SCUBE1: variants seen among roughly 807,000 people sequenced by gnomAD.
The protein encoded by SCUBE1 is signal peptide, CUB and EGF-like domain-containing protein 1.
A neutral mutation model predicts 124.4 loss-of-function variants in SCUBE1; 59 were observed. The observed-to-expected ratio is 0.47, with a 90% confidence interval of 0.38 to 0.59. The LOEUF (loss-of-function observed/expected upper bound fraction) is 0.59. SCUBE1 is among the 20% of genes least tolerant of loss of function. The pLI, the probability that SCUBE1 is intolerant of heterozygous loss-of-function variation, is 0.00. For synonymous variants in SCUBE1, 545 were observed against 550.9 expected (o/e 0.99, Z 0.15); for missense variants, 1,150 against 1,371.2 (o/e 0.84, Z 2.55).
At position 43,211,058 on chromosome 22, in the gene SCUBE1, G is replaced by A; in HGVS notation, c.2247C>T (p.Tyr749=). 1 of 1,613,340 alleles carries A rather than the reference G, an allele frequency of 6.2e-7. No individual in the cohort carries two copies. Among genetic ancestry groups the A allele is most frequent in the Non-Finnish European group, 8.5e-7 (1 of 1,179,696 alleles). Reference sequence around the variant, plus strand: ...GGATGCAGCGGTGGGTGGTGGTGTTGTAGTGGTGGCCGGGGGAGCAGTGCA... The same window carrying A: ...GGATGCAGCGGTGGGTGGTGGTGTTATAGTGGTGGCCGGGGGAGCAGTGCA... ...AKVHCSPGHH[Y]NTTTHRCIRC... Residue 749 remains tyrosine, a synonymous_variant, in exon 18 of 22, where the codon TAC becomes TAT. Transcript: ENST00000360835. The surrounding 1 kb of genome is among the most constrained non-coding windows in gnomAD (Gnocchi z 4.5).
intron 3 of SCUBE1, among the ~76,000 whole-genome samples, chr22:43,316,395 C>T (rs1402019843): frequency 6.6e-6 from 1 of 152,228 alleles, no homozygotes; most frequent in Non-Finnish European, 1.5e-5. Flanking sequence ...TCTGTCTTCA[C>T]TGACTAATCA....
chr22:43,246,977 G>A (rs1923240896), intron 6 of SCUBE1, among the ~76,000 whole-genome samples: 1 of 152,182 alleles, frequency 6.6e-6, no homozygotes, highest in Admixed American at 6.5e-5. Context: ...GCTCCTGGAG[G>A]GGTCCAGGTT....
intron 3 of SCUBE1, among the ~76,000 whole-genome samples, chr22:43,306,133 G>A (rs1212569526): frequency 6.6e-6 from 1 of 152,150 alleles, no homozygotes; most frequent in Non-Finnish European, 1.5e-5. Flanking sequence ...AGGGCCCAGG[G>A]TGCTCCAAGG....
chr22:43,310,613 C>T (rs1926136320), intron 3 of SCUBE1, among the ~76,000 whole-genome samples: 2 of 152,198 alleles, frequency 1.3e-5, no homozygotes, highest in Non-Finnish European at 2.9e-5. Context: ...ACTAGTTGAT[C>T]CTGTCTGACT....
At chr22:43,338,461 C>G (rs1342387272) in intron 2 of SCUBE1, among the ~76,000 whole-genome samples, 1 of 152,182 alleles carries the variant, frequency 6.6e-6, no homozygotes, top group African/African-American at 2.4e-5. Flanking sequence ...ACTCCACCCC[C>G]ATATAGCCAG....
intron 15 of SCUBE1, among the ~76,000 whole-genome samples, chr22:43,217,644 G>A (rs1921894053): frequency 6.6e-6 from 1 of 152,148 alleles, no homozygotes; most frequent in Non-Finnish European, 1.5e-5. Flanking sequence ...CTGTACCTGT[G>A]GGCATGTTCA....
At chr22:43,214,906 G>C (rs1921743373) in intron 15 of SCUBE1, among the ~76,000 whole-genome samples, 1 of 152,190 alleles carries the variant, frequency 6.6e-6, no homozygotes, top group Non-Finnish European at 1.5e-5. Context: ...TGCGGAAATG[G>C]GGAGTGAAGG....
At chr22:43,281,533 C>CCTCCTCAGCCACCCTCCTGTCACCTCCCT (rs568020364) in intron 4 of SCUBE1, among the ~76,000 whole-genome samples, 1 of 63,482 alleles carries the variant, frequency 1.6e-5, no homozygotes, top group Non-Finnish European at 2.6e-5. Context: ...CCTGTCACCT[C>CCTCCTCAGCCACCCTCCTGTCACCTCCCT]CCTCAGTCAC....
At chr22:43,207,368 G>A (rs1286207581) in intron 21 of SCUBE1, among the ~76,000 whole-genome samples, 166 bp downstream of exon 21, 1 of 152,116 alleles carries the variant, frequency 6.6e-6, no homozygotes, top group Non-Finnish European at 1.5e-5. Flanking sequence ...GCAGGACCCA[G>A]TCCCCACCAT....
At chr22:43,223,388 A>G (rs976854919) in intron 10 of SCUBE1, among the ~76,000 whole-genome samples, 172 bp from the exon 11 acceptor site, 1 of 152,008 alleles carries the variant, frequency 6.6e-6, no homozygotes, top group African/African-American at 2.4e-5. Context: ...GCGTGTGGGG[A>G]TGCTGGGCCC....
chr22:43,288,561 C>T (rs1925235664), intron 4 of SCUBE1, among the ~76,000 whole-genome samples: 1 of 152,224 alleles, frequency 6.6e-6, no homozygotes, highest in Admixed American at 6.5e-5. Context: ...CGTGCCCATT[C>T]CCACCCCAGG....
At chr22:43,302,839 AAAG>A (rs1343625611) in intron 3 of SCUBE1, among the ~76,000 whole-genome samples, 1 of 152,224 alleles carries the variant, frequency 6.6e-6, no homozygotes, top group African/African-American at 2.4e-5. Context: ...AGCTGTAAGG[AAAG>A]AAGGAGGAAA....
At chr22:43,342,264 T>TG (rs937757738) in intron 1 of SCUBE1, among the ~76,000 whole-genome samples, 224 of 5,596 alleles carry the variant, frequency 0.04, 1 homozygote, top group East Asian at 0.13. Flanking sequence ...GGTGGGAGGG[T>TG]GGGGGGGTCC....
chr22:43,228,740 G>A (rs1016030062), intron 9 of SCUBE1, among the ~76,000 whole-genome samples: 6 of 152,106 alleles, frequency 3.9e-5, no homozygotes, highest in Admixed American at 2.6e-4. Flanking sequence ...TCCCTGGAAC[G>A]AGCTGTCTGG....
chr22:43,342,370 C>T (rs952609752), intron 1 of SCUBE1, among the ~76,000 whole-genome samples: 27 of 152,080 alleles, frequency 1.8e-4, no homozygotes, highest in Admixed American at 9.2e-4. Context: ...ACTCTCCTCC[C>T]TGTGTCTGTC....
At chr22:43,304,536 C>CAA (rs56410878) in intron 3 of SCUBE1, among the ~76,000 whole-genome samples, 15 of 152,024 alleles carry the variant, frequency 9.9e-5, no homozygotes, top group African/African-American at 3.6e-4. Context: ...CTCTAAGCCA[C>CAA]GAGGACCAGT....
intron 3 of SCUBE1, among the ~76,000 whole-genome samples, chr22:43,305,557 C>T (rs1324807963): frequency 6.6e-5 from 10 of 152,212 alleles, no homozygotes; most frequent in African/African-American, 1.7e-4. Context: ...CATGAGGAGC[C>T]GGGGGACAGG....
chr22:43,253,650 C>T (rs1012297550), intron 6 of SCUBE1, among the ~76,000 whole-genome samples: 5 of 147,390 alleles, frequency 3.4e-5, no homozygotes, highest in East Asian at 2.0e-4. Context: ...GACCCCACTC[C>T]GGGGTCTGGT....
chr22:43,236,332 C>T (rs1039566485), intron 7 of SCUBE1, among the ~76,000 whole-genome samples: 1 of 152,208 alleles, frequency 6.6e-6, no homozygotes, highest in Admixed American at 6.5e-5. Flanking sequence ...CTAGCCAGTC[C>T]CTTGGTGCTG....
Sources: allele counts gnomAD v4.1 joint callset (sites outside exome capture counted in the v4.1 genomes callset), GRCh38; gene constraint gnomAD v4.1.1; non-coding constraint Gnocchi (gnomAD v3.1); transcripts MANE v1.5; gene names NCBI Gene and HGNC (gene_info 2026-07-23, HGNC 2026-07-21).